GNAQ: variants seen among roughly 807,000 people sequenced by gnomAD.
GNAQ encodes G protein subunit alpha q.
Under a neutral mutation model 43.9 loss-of-function variants are expected in GNAQ, and 8 were observed. That is an observed-to-expected ratio of 0.18 (90% CI 0.11 to 0.33). The LOEUF (loss-of-function observed/expected upper bound fraction) is 0.33, where lower values mean the gene tolerates loss of function less well. Among genes scored for constraint, GNAQ ranks in the 10% least tolerant of loss-of-function variants. The probability of loss-of-function intolerance (pLI) is 1.00; values close to 1 mark genes in which losing one functional copy is unlikely to be tolerated. For missense variants in GNAQ, 158 were observed against 450.8 expected (o/e 0.35, Z 5.88); for synonymous variants, 155 against 170.7 (o/e 0.91, Z 0.71).
At chr9:77,897,780 G>A (rs1454329255) in intron 2 of GNAQ, among the ~76,000 whole-genome samples, 2 of 152,106 alleles carry the variant, frequency 1.3e-5, no homozygotes, top group Non-Finnish European at 2.9e-5. Flanking sequence ...ATGGCCAGGG[G>A]CCACAATGTG....
In GNAQ at chr9:77,910,195, A is replaced by C. The variant is rs568935617; in HGVS notation, c.321+11966T>G. Among the ~76,000 whole-genome samples the C allele has an allele frequency of 1.6e-3, 244 of 152,284 alleles. 2 individuals are homozygous for C. Among genetic ancestry groups the C allele is most frequent in the African/African-American group, 5.0e-3 (207 of 41,574 alleles). On this transcript the variant is annotated intron_variant, in intron 2 of 6. Coordinates refer to ENST00000286548, the MANE Select transcript of GNAQ (RefSeq NM_002072.5). ...ACCCTGATTTTCTACAATAGCAAAA[A>C]CTAAGTGCATCACTGAGATGACTTC...
chr9:77,732,121 C>A (rs1825499735), intron 5 of GNAQ, among the ~76,000 whole-genome samples: 1 of 152,086 alleles, frequency 6.6e-6, no homozygotes, highest in Non-Finnish European at 1.5e-5. Flanking sequence ...AAATTGAAAT[C>A]TATGAGGGAA....
chr9:77,745,654 T>A (rs1825717729), intron 5 of GNAQ, among the ~76,000 whole-genome samples: 1 of 150,448 alleles, frequency 6.6e-6, no homozygotes, highest in Non-Finnish European at 1.5e-5. Context: ...GAAAGATAAT[T>A]TGAAAGATAA....
intron 1 of GNAQ, among the ~76,000 whole-genome samples, chr9:77,996,677 C>CAAAAAAAAAAAAAAAAAAAAA (rs3083223): frequency 1.9e-5 from 2 of 105,592 alleles, no homozygotes; most frequent in East Asian, 2.7e-4. Flanking sequence ...GACTCCATCT[C>CAAAAAAAAAAAAAAAAAAAAA]AAAAAAAAAA....
intron 5 of GNAQ, among the ~76,000 whole-genome samples, chr9:77,730,719 G>C (rs1825475372): frequency 6.6e-6 from 1 of 152,132 alleles, no homozygotes. Flanking sequence ...ATAAATGACA[G>C]CACAGACTTT....
At chr9:77,871,398 T>C (rs1828036351) in intron 2 of GNAQ, among the ~76,000 whole-genome samples, 1 of 152,136 alleles carries the variant, frequency 6.6e-6, no homozygotes, top group Admixed American at 6.5e-5. Flanking sequence ...GTGAGACAGA[T>C]TAAATACAGA....
chr9:77,748,354 C>G (rs1305699778), intron 5 of GNAQ, among the ~76,000 whole-genome samples: 2 of 152,002 alleles, frequency 1.3e-5, no homozygotes, highest in Non-Finnish European at 2.9e-5. Flanking sequence ...CTAAAATTAC[C>G]CTGGAAAGAT....
intron 2 of GNAQ, among the ~76,000 whole-genome samples, chr9:77,860,715 G>A (rs568960156): frequency 2.0e-5 from 3 of 152,218 alleles, no homozygotes; most frequent in Non-Finnish European, 1.5e-5. Flanking sequence ...GGATGTTCGG[G>A]ACCCCTTCCA....
intron 5 of GNAQ, among the ~76,000 whole-genome samples, chr9:77,756,577 C>T (rs1386151995): frequency 6.6e-6 from 1 of 152,170 alleles, no homozygotes. Flanking sequence ...AATGCTGGCA[C>T]AATGACTTGA....
rs755302100 is a variant in GNAQ, at chr9:77,797,546, G to A, written c.579C>T (p.Pro193=). 1 of 1,612,928 alleles carries A rather than the reference G, an allele frequency of 6.2e-7. No homozygotes were observed. The highest frequency in any genetic ancestry group is 2.2e-5 in the East Asian group (1 of 44,864). ...RVPTTGIIEY[P]FDLQSVIFRM... ...TGAAAATGACACTTTGTAAGTCAAA[G>A]GGGTATTCGATGATCCCTGTGGTGG... Residue 193 remains proline (P), a synonymous_variant, in exon 4 of 7, where the codon CCC becomes CCT. Transcript: ENST00000286548.
intron 5 of GNAQ, among the ~76,000 whole-genome samples, chr9:77,739,104 CTT>C (rs142408690): frequency 0.026 from 4,022 of 152,238 alleles, 168 homozygotes; most frequent in African/African-American, 0.086. Flanking sequence ...GGTGAACAAA[CTT>C]ATTCATCTCG....
chr9:77,753,657 A>G (rs1564100153), intron 5 of GNAQ, among the ~76,000 whole-genome samples: 1 of 152,214 alleles, frequency 6.6e-6, no homozygotes, highest in Non-Finnish European at 1.5e-5. Context: ...ATGATAATTT[A>G]AAAAACATGA....
At chr9:77,967,977 T>C (rs1025814661) in intron 1 of GNAQ, among the ~76,000 whole-genome samples, 1 of 151,928 alleles carries the variant, frequency 6.6e-6, no homozygotes, top group Admixed American at 6.6e-5. Flanking sequence ...TGAAACTCCA[T>C]CTAAAAAAAA....
chr9:77,810,596 G>A (rs1256056625), intron 3 of GNAQ, among the ~76,000 whole-genome samples: 1 of 152,064 alleles, frequency 6.6e-6, no homozygotes, highest in Non-Finnish European at 1.5e-5. Flanking sequence ...AACAACAGCA[G>A]GAAAAAAGAC....
chr9:77,913,284 T>A (rs1254288430), intron 2 of GNAQ, among the ~76,000 whole-genome samples: 2 of 103,384 alleles, frequency 1.9e-5, no homozygotes, highest in African/African-American at 2.9e-5. Context: ...AAATTTATAA[T>A]AGGATATAAT....
intron 1 of GNAQ, among the ~76,000 whole-genome samples, chr9:77,936,379 C>T (rs559052172): frequency 1.3e-5 from 2 of 152,086 alleles, no homozygotes; most frequent in Non-Finnish European, 2.9e-5. Flanking sequence ...TTTAATACAC[C>T]GACCCAATAA....
At chr9:77,757,350 T>C (rs1309945725) in intron 5 of GNAQ, among the ~76,000 whole-genome samples, 1 of 152,182 alleles carries the variant, frequency 6.6e-6, no homozygotes, top group Non-Finnish European at 1.5e-5. Flanking sequence ...GCCTCATATC[T>C]ACCCTTCACC....
chr9:77,865,109 C>T (rs980651551), intron 2 of GNAQ, among the ~76,000 whole-genome samples: 1 of 152,278 alleles, frequency 6.6e-6, no homozygotes, highest in African/African-American at 2.4e-5. Context: ...AATGACTCCA[C>T]ATTTGTCAGT....
At chr9:77,917,631 C>T (rs1035272891) in intron 2 of GNAQ, among the ~76,000 whole-genome samples, 1 of 152,170 alleles carries the variant, frequency 6.6e-6, no homozygotes, top group African/African-American at 2.4e-5. Flanking sequence ...TGCCCTTGCA[C>T]CTAGTAGAGC....
Sources: allele counts gnomAD v4.1 joint callset (sites outside exome capture counted in the v4.1 genomes callset), GRCh38; gene constraint gnomAD v4.1.1; transcripts MANE v1.5; gene names NCBI Gene and HGNC (gene_info 2026-07-23, HGNC 2026-07-21).